OMA1: variants seen among roughly 807,000 people sequenced by gnomAD.
OMA1 encodes OMA1 zinc metallopeptidase.
In OMA1, 38 loss-of-function variants were observed where a neutral mutation model predicts 30.9. That is an observed-to-expected ratio of 1.23 (90% confidence interval 0.95 to 1.61). OMA1 has a LOEUF of 1.61. Ranked by LOEUF, OMA1 falls within the 40% of genes most tolerant of loss-of-function variation. The pLI is 0.00. For missense variants in OMA1, 461 were observed against 349.2 expected (o/e 1.32, Z -2.55); for synonymous variants, 173 against 121.9 (o/e 1.42, Z -2.76).
Position 58,481,100 on chromosome 1 carries a change from G to A in OMA1, c.1440C>T (p.Ser480=). The A allele has an allele frequency of 1.1e-6, 1 of 871,898 alleles. No homozygotes were observed. The highest frequency in any genetic ancestry group is 1.3e-5 in the South Asian group (1 of 76,502). The allele number at this position is 871,898 out of a possible 1,614,324, so 54.0% of individuals were successfully genotyped here. A position where few individuals can be genotyped will look rare whatever the true frequency, so the allele number is the denominator to read the frequency against. Residue 480 remains serine, a synonymous_variant, in exon 9 of 9, where the codon AGC becomes AGT. Coordinates refer to ENST00000371226, the MANE Select transcript of OMA1 (RefSeq NM_145243.5). Reference sequence around the variant, plus strand: ...CTGATTCTTCAAGAAAATGCTTCGTGCTGAGTTTGAATAGTAATCGAGGGT... The same window carrying A: ...CTGATTCTTCAAGAAAATGCTTCGTACTGAGTTTGAATAGTAATCGAGGGT... ...NPDPRLLFKL[S]TKHFLEESEK...
intron 8 of OMA1, 108 bp from the exon 9 acceptor site, chr1:58,481,282 A>AT (rs1361627273): frequency 9.4e-6 from 4 of 426,132 alleles, no homozygotes; most frequent in Admixed American, 4.1e-5. Flanking sequence ...ATGTATTGTT[A>AT]TTTTTTTAAT....
chr1:58,500,376 C>T (rs1292018270), intron 8 of OMA1, among the ~76,000 whole-genome samples: 1 of 152,156 alleles, frequency 6.6e-6, no homozygotes, highest in East Asian at 1.9e-4. Context: ...CGACATTTCA[C>T]TTCAATGTTA....
intron 8 of OMA1, among the ~76,000 whole-genome samples, chr1:58,490,795 CTTTTT>C (rs148145860): frequency 3.4e-5 from 2 of 59,244 alleles, no homozygotes; most frequent in East Asian, 7.2e-4. Flanking sequence ...AGTCAACATT[CTTTTT>C]TTTTTTTTTT....
chr1:58,515,660 A>T (rs1646147748), intron 7 of OMA1, among the ~76,000 whole-genome samples: 1 of 152,236 alleles, frequency 6.6e-6, no homozygotes, highest in Non-Finnish European at 1.5e-5. Flanking sequence ...CTTTCTTAAA[A>T]GAATCATTAA....
chr1:58,492,594 A>T (rs553509560), intron 8 of OMA1, among the ~76,000 whole-genome samples: 13 of 152,324 alleles, frequency 8.5e-5, no homozygotes, highest in African/African-American at 2.9e-4. Context: ...ATCACCACCG[A>T]TCCCACAGAA....
chr1:58,530,837 G>A, intron 5 of OMA1, 108 bp from the exon 6 acceptor site: 1 of 650,592 alleles, frequency 1.5e-6, no homozygotes, highest in South Asian at 1.9e-5. Flanking sequence ...CTCCACCTAA[G>A]ACTGAGAGTT....
At chr1:58,518,363 GAGAAGAGAAGGGAAGAA>G (rs1646205882) in intron 7 of OMA1, among the ~76,000 whole-genome samples, 1 of 143,884 alleles carries the variant, frequency 7.0e-6, no homozygotes, top group South Asian at 2.3e-4. Context: ...GGGAAGGGAA[GAGAAGAGAAGGGAAGAA>G]AAGAAAAGAA....
chr1:58,542,580 A>G (rs556450905), intron 1 of OMA1: 1 of 152,296 alleles, frequency 6.6e-6, no homozygotes, highest in Admixed American at 6.5e-5. Flanking sequence ...AAAGACAAAA[A>G]AAAATGGAAA....
Position 58,533,304 on chromosome 1 carries a change from C to T in OMA1, c.1011+649G>A, listed in dbSNP as rs777931824. On this transcript the variant is annotated intron_variant, in intron 5 of 8. Coordinates refer to ENST00000371226, the MANE Select transcript of OMA1 (RefSeq NM_145243.5). The stretch of plus-strand genomic sequence containing the variant: ...ACTGGACTAACATACAGAAGACCCA[C>T]GTTAAAGTCCCAGTTCGGTTACTTT... Among the ~76,000 whole-genome samples the T allele has an allele frequency of 3.2e-4, 49 of 152,174 alleles. 1 individual carries two copies. Among genetic ancestry groups the T allele is most frequent in the Non-Finnish European group, 6.3e-4 (43 of 68,020 alleles).
At chr1:58,504,323 T>A (rs918787501) in intron 8 of OMA1, among the ~76,000 whole-genome samples, 2 of 152,276 alleles carry the variant, frequency 1.3e-5, no homozygotes, top group African/African-American at 4.8e-5. Flanking sequence ...ACATCAAACA[T>A]ACGCTGACTT....
At position 58,536,567 on chromosome 1, in the gene OMA1, T is replaced by G. The variant is rs554597505; in HGVS notation, c.675A>C (p.Leu225=). ...EVSPITGRSK[L]LLLGKEQFRL... ...TGAACTGTTCTTTCCCCAATAATAG[T>G]AGCTTGCTCCTTCCTGTGATTGGAC... Residue 225 remains leucine, a synonymous_variant, in exon 3 of 9, where the codon CTA becomes CTC. Transcript: ENST00000371226. 4.6e-6 allele frequency: 4 copies of G among 872,876 alleles called. No individual in the cohort carries two copies. The highest frequency in any genetic ancestry group is 1.6e-5 in the African/African-American group (1 of 61,454). The allele number at this position is 872,876 out of a possible 1,614,324, so 54.1% of individuals were successfully genotyped here. A position where few individuals can be genotyped will look rare whatever the true frequency, so the allele number is the denominator to read the frequency against.
intron 8 of OMA1, among the ~76,000 whole-genome samples, chr1:58,486,709 A>G (rs901274298): frequency 5.9e-5 from 9 of 152,216 alleles, no homozygotes; most frequent in Non-Finnish European, 1.3e-4. Flanking sequence ...CAATGAGTAC[A>G]TGGAAGGGAA....
chr1:58,534,424 C>T (rs1238106248), intron 3 of OMA1, 93 bp from the exon 4 acceptor site: 2 of 609,918 alleles, frequency 3.3e-6, no homozygotes, highest in South Asian at 2.4e-5. Context: ...TATTATTGAA[C>T]ATTTTAAGTT....
chr1:58,499,314 C>CAAAAAAA (rs58217798), intron 8 of OMA1, among the ~76,000 whole-genome samples: 2 of 69,742 alleles, frequency 2.9e-5, no homozygotes, highest in Non-Finnish European at 5.7e-5. Context: ...CACATCTCTA[C>CAAAAAAA]AAAAAAAAAA....
At chr1:58,525,517 G>A (rs996468107) in intron 7 of OMA1, among the ~76,000 whole-genome samples, 1 of 152,042 alleles carries the variant, frequency 6.6e-6, no homozygotes. Context: ...AACAAAAGAT[G>A]TGTAATTCCT....
chr1:58,538,913 C>A lies in OMA1; in HGVS notation c.382G>T (p.Ala128Ser). 1 of 872,838 alleles carries A rather than the reference C, an allele frequency of 1.1e-6. No individual in the cohort carries two copies. Among genetic ancestry groups the A allele is most frequent in the Non-Finnish European group, 2.0e-6 (1 of 501,628 alleles). The allele number at this position is 872,838 out of a possible 1,614,324, so 54.1% of individuals were successfully genotyped here. A position where few individuals can be genotyped will look rare whatever the true frequency, so the allele number is the denominator to read the frequency against. ...SLSVLHPLSP[A>S]SIRAIRNFHT... ...AAATTCCTAATAGCTCTTATGGAAG[C>A]AGGGCTTAGAGGATGCAATACTGAC... Residue 128 changes from alanine (A) to serine (S), a missense_variant, in exon 2 of 9, where the codon GCT (alanine) becomes TCT (serine). Ala to Ser is a moderately conservative substitution (Grantham distance 99). Transcript: ENST00000371226.
intron 7 of OMA1, 148 bp downstream of exon 7, chr1:58,527,113 T>C: frequency 1.7e-6 from 1 of 584,826 alleles, no homozygotes; most frequent in Non-Finnish European, 3.1e-6. Flanking sequence ...TCCATAATCT[T>C]CAAATTTCTA....
chr1:58,530,037 C>T (rs986541523), intron 6 of OMA1, among the ~76,000 whole-genome samples: 6 of 152,092 alleles, frequency 3.9e-5, no homozygotes, highest in South Asian at 2.1e-4. Context: ...CCCGCCACAA[C>T]GCCAGGCTAA....
intron 2 of OMA1, among the ~76,000 whole-genome samples, chr1:58,537,954 C>T (rs533317727): frequency 2.6e-5 from 4 of 152,048 alleles, no homozygotes; most frequent in East Asian, 1.9e-4. Context: ...AAAGAGCATC[C>T]GAAGAACCTG....
Sources: allele counts gnomAD v4.1 joint callset (sites outside exome capture counted in the v4.1 genomes callset), GRCh38; gene constraint gnomAD v4.1.1; transcripts MANE v1.5; gene names NCBI Gene and HGNC (gene_info 2026-07-23, HGNC 2026-07-21).